The following SPOCK3 variants were observed in gnomAD, a reference collection of about 807,000 sequenced individuals.
SPOCK3 encodes testican-3.
A neutral mutation model predicts 56.6 loss-of-function variants in SPOCK3; 30 were observed. That is an observed-to-expected ratio of 0.53 (90% confidence interval 0.40 to 0.72). SPOCK3 has a LOEUF of 0.72. SPOCK3 is among the 30% of genes least tolerant of loss of function. The pLI, the probability that SPOCK3 is intolerant of heterozygous loss-of-function variation, is 0.00. For synonymous variants in SPOCK3, 196 were observed against 183.3 expected (o/e 1.07, Z -0.56); for missense variants, 527 against 530.0 (o/e 0.99, Z 0.06).
chr4:166,824,671 T>C (rs11735271), intron 6 of SPOCK3, among the ~76,000 whole-genome samples: 36,404 of 151,954 alleles, frequency 0.24, 5,551 homozygotes, highest in East Asian at 0.66. Flanking sequence ...GGGGCCAGTA[T>C]TTTGTTACAT....
intron 2 of SPOCK3, among the ~76,000 whole-genome samples, chr4:167,214,004 AT>A (rs1735129383): frequency 6.6e-6 from 1 of 152,140 alleles, no homozygotes; most frequent in Admixed American, 6.6e-5. Flanking sequence ...ATAAAATGCT[AT>A]GGTAATATTC....
At chr4:166,938,016 C>T (rs369905723) in intron 4 of SPOCK3, among the ~76,000 whole-genome samples, 2 of 150,870 alleles carry the variant, frequency 1.3e-5, no homozygotes, top group Non-Finnish European at 1.5e-5. Flanking sequence ...CTGACCACCT[C>T]GGCCTATCCA....
intron 6 of SPOCK3, among the ~76,000 whole-genome samples, chr4:166,827,006 C>T (rs1404149686): frequency 2.0e-5 from 3 of 151,982 alleles, no homozygotes; most frequent in African/African-American, 7.2e-5. Context: ...AAAAACATGA[C>T]TTTATTTCAT....
At chr4:166,981,919 C>G (rs868291997) in intron 4 of SPOCK3, among the ~76,000 whole-genome samples, 2 of 152,214 alleles carry the variant, frequency 1.3e-5, no homozygotes, top group African/African-American at 4.8e-5. Context: ...AGCTCACACA[C>G]GCTCTGCAAC....
intron 8 of SPOCK3, among the ~76,000 whole-genome samples, chr4:166,746,057 T>A (rs1735568567): frequency 6.6e-6 from 1 of 152,208 alleles, no homozygotes; most frequent in Non-Finnish European, 1.5e-5. Context: ...AACACCCTAC[T>A]GTCAACATTA....
intron 6 of SPOCK3, among the ~76,000 whole-genome samples, chr4:166,839,127 T>A (rs935135128): frequency 6.6e-6 from 1 of 152,146 alleles, no homozygotes; most frequent in African/African-American, 2.4e-5. Context: ...AGACTCTGGA[T>A]CTGATTCATA....
chr4:167,144,135 A>G (rs1478316239), intron 2 of SPOCK3, among the ~76,000 whole-genome samples: 3 of 151,634 alleles, frequency 2.0e-5, no homozygotes, highest in South Asian at 2.1e-4. Flanking sequence ...CCCTTTTCCT[A>G]TTTTGTTCTT....
chr4:166,881,559 C>T (rs531250993), intron 6 of SPOCK3, among the ~76,000 whole-genome samples: 94 of 152,082 alleles, frequency 6.2e-4, no homozygotes, highest in African/African-American at 2.2e-3. Flanking sequence ...TGTACTATAT[C>T]TAAAATTGAC....
At chr4:166,957,730 C>G (rs1262672279) in intron 4 of SPOCK3, among the ~76,000 whole-genome samples, 1 of 152,150 alleles carries the variant, frequency 6.6e-6, no homozygotes, top group Non-Finnish European at 1.5e-5. Context: ...AATGACTAAC[C>G]TGCGGTGTTT....
chr4:166,751,824 A>T (rs1736407841), intron 8 of SPOCK3, among the ~76,000 whole-genome samples: 1 of 152,092 alleles, frequency 6.6e-6, no homozygotes, highest in Admixed American at 6.6e-5. Context: ...TAAAATCCCA[A>T]ATTGATATTC....
intron 6 of SPOCK3, among the ~76,000 whole-genome samples, chr4:166,868,700 C>T: frequency 6.6e-6 from 1 of 152,066 alleles, no homozygotes; most frequent in East Asian, 1.9e-4. Flanking sequence ...AAAAGGACAA[C>T]ATTGTTGAAA....
Position 166,916,671 on chromosome 4 carries a change from C to T in SPOCK3, c.351-3928G>A, listed in dbSNP as rs138257451. Among the ~76,000 whole-genome samples, 27 of 152,104 alleles carry T rather than the reference C, an allele frequency of 1.8e-4. No individual in the cohort carries two copies. In the East Asian group the frequency reaches 5.0e-3, roughly 28 times the overall value. On this transcript the variant is annotated intron_variant, in intron 4 of 10. Coordinates refer to ENST00000357545, the MANE Select transcript of SPOCK3 (RefSeq NM_001040159.2). ...CAAAAAAACAAAAACCACAAAAAAC[C>T]CTCTCATTCTAACTTGACTTGAATT... is the stretch of plus-strand genomic sequence containing the variant.
chr4:167,234,038 T>C lies in SPOCK3; in HGVS notation c.136A>G (p.Thr46Ala), dbSNP rs755016780. Residue 46 changes from threonine to alanine, a missense_variant, in exon 2 of 11, where the codon ACC becomes GCC. Physicochemically the swap from Thr to Ala is moderately conservative, Grantham distance 58. Transcript: ENST00000357545. ...GNFLDDKQWL[T>A]TISQYDKEVG... is the part of the protein sequence containing the mutation. Reference sequence around the variant, plus strand: ...TCCTTGTCATACTGAGAGATTGTGGTGAGCCATTGTTTATCATCCAGAAAA... The same window carrying C: ...TCCTTGTCATACTGAGAGATTGTGGCGAGCCATTGTTTATCATCCAGAAAA... 2 of 1,613,954 alleles carry C rather than the reference T, an allele frequency of 1.2e-6. No individual in the cohort carries two copies. Among genetic ancestry groups the C allele is most frequent in the Non-Finnish European group, 1.7e-6 (2 of 1,179,956 alleles).
intron 2 of SPOCK3, among the ~76,000 whole-genome samples, chr4:167,184,833 C>A (rs1731811042): frequency 6.6e-6 from 1 of 152,120 alleles, no homozygotes; most frequent in South Asian, 2.1e-4. Flanking sequence ...CATTAACTTC[C>A]TTTAAATATG....
intron 2 of SPOCK3, among the ~76,000 whole-genome samples, chr4:167,152,963 C>T (rs761293662): frequency 5.3e-5 from 8 of 152,118 alleles, no homozygotes; most frequent in Non-Finnish European, 1.0e-4. Flanking sequence ...GATATTTTAA[C>T]AATTACCCAA....
chr4:166,754,462 G>T (rs368241902), intron 8 of SPOCK3, 46 bp downstream of exon 8: 2 of 1,568,714 alleles, frequency 1.3e-6, no homozygotes, highest in South Asian at 1.2e-5. Context: ...AGTAAAATTT[G>T]ACATGCAGGT....
At chr4:166,942,961 G>A (rs1008123379) in intron 4 of SPOCK3, among the ~76,000 whole-genome samples, 2 of 152,148 alleles carry the variant, frequency 1.3e-5, no homozygotes, top group East Asian at 3.9e-4. Context: ...GGGAGAAAAT[G>A]TGTGCATATA....
chr4:167,086,976 G>A lies in SPOCK3; in HGVS notation c.190-24439C>T, dbSNP rs146010689. Among the ~76,000 whole-genome samples the A allele has an allele frequency of 9.9e-4, 150 of 152,102 alleles. 3 individuals carry two copies. In the East Asian group the frequency reaches 0.013, roughly 13 times the overall value. ...GACAATGAATATTAATGAGTAGACC[G>A]CCCAGATAGCAATCATGATGCAGGA... is the stretch of plus-strand genomic sequence containing the variant. On this transcript the variant is annotated intron_variant, in intron 2 of 10. Coordinates refer to ENST00000357545, the MANE Select transcript of SPOCK3 (RefSeq NM_001040159.2).
At chr4:166,842,856 GC>G (rs1218533836) in intron 6 of SPOCK3, among the ~76,000 whole-genome samples, 1 of 152,230 alleles carries the variant, frequency 6.6e-6, no homozygotes, top group Non-Finnish European at 1.5e-5. Context: ...CAGCCTTTGG[GC>G]AGTAGATGGA....
Sources: gnomAD v4.1 joint callset for allele counts (sites outside exome capture counted in the v4.1 genomes callset) on GRCh38, gnomAD v4.1.1 for gene constraint, MANE v1.5 for transcripts, NCBI Gene and HGNC (gene_info 2026-07-23, HGNC 2026-07-21) for gene names.